CRK: variants seen among roughly 807,000 people sequenced by gnomAD.
The protein encoded by CRK is CRK proto-oncogene, adaptor protein, also known as adapter molecule crk.
CRK carries 4 observed loss-of-function variants against 29.8 expected under a neutral mutation model. That is an observed-to-expected ratio of 0.13 (90% CI 0.07 to 0.31). The LOEUF (loss-of-function observed/expected upper bound fraction) is 0.31, where lower values mean the gene tolerates loss of function less well. CRK is among the 10% of genes least tolerant of loss of function. The probability of loss-of-function intolerance (pLI) is 1.00; values close to 1 mark genes in which losing one functional copy is unlikely to be tolerated. For synonymous variants in CRK, 153 were observed against 164.9 expected, an observed-to-expected ratio of 0.93 and a Z score of 0.55; for missense variants, 274 against 396.5, an observed-to-expected ratio of 0.69 and a Z score of 2.62.
chr17:1,450,485 G>T (rs1598305693), intron 1 of CRK, among the ~76,000 whole-genome samples: 1 of 150,008 alleles, frequency 6.7e-6, no homozygotes. Flanking sequence ...CCGGCCCGGC[G>T]TGGGCGACAG....
Position 1,436,804 on chromosome 17 carries a change from G to A in CRK, c.593C>T (p.Ser198Leu), listed in dbSNP as rs372978924. 8.9e-6 allele frequency: 14 copies of A among 1,581,490 alleles called. No individual in the cohort carries two copies. The highest frequency in any genetic ancestry group is 2.2e-5 in the East Asian group (1 of 44,714). Residue 198 changes from serine (S) to leucine (L), a missense_variant, in exon 2 of 3, where the codon TCG becomes TTG. Around this residue, in one of 3 missense-constraint regions of CRK, gnomAD observed 121 missense variants for 154.3 expected, o/e 0.78. Coordinates refer to ENST00000300574, the MANE Select transcript of CRK (RefSeq NM_016823.4). The part of the protein sequence containing the change: ...EKYRPASASV[S>L]ALIGGNQEGS... ...CTCCTGGTTACCTCCAATCAGAGCC[G>A]ATACTGAGGCGGAGGCAGGTCTATA...
intron 1 of CRK, among the ~76,000 whole-genome samples, chr17:1,446,426 G>A (rs931946065): frequency 3.3e-5 from 5 of 152,118 alleles, no homozygotes; most frequent in East Asian, 1.9e-4. Flanking sequence ...CAGGCCGAGC[G>A]AAATACATTT....
At chr17:1,445,135 G>C (rs1398342374) in intron 1 of CRK, among the ~76,000 whole-genome samples, 1 of 130,250 alleles carries the variant, frequency 7.7e-6, no homozygotes, top group Non-Finnish European at 1.7e-5. Flanking sequence ...GCGACAGAGC[G>C]AGACACCGTC....
chr17:1,443,459 A>G (rs2073950492), intron 1 of CRK, among the ~76,000 whole-genome samples: 1 of 151,370 alleles, frequency 6.6e-6, no homozygotes, highest in Non-Finnish European at 1.5e-5. Context: ...GCAGTGGTGC[A>G]ATCTTGGCTC....
intron 2 of CRK, among the ~76,000 whole-genome samples, chr17:1,430,728 C>T (rs1384789079): frequency 6.6e-6 from 1 of 151,716 alleles, no homozygotes; most frequent in East Asian, 1.9e-4. Flanking sequence ...ATTAACCTGA[C>T]CAACGTGGCT....
chr17:1,427,058 A>AGG (rs1229393343), intron 2 of CRK, among the ~76,000 whole-genome samples: 2 of 88,914 alleles, frequency 2.2e-5, no homozygotes, highest in African/African-American at 9.5e-5. Context: ...AAAAAAAAAA[A>AGG]AAAAAAAAAA....
intron 2 of CRK, among the ~76,000 whole-genome samples, chr17:1,433,824 GGTTT>G (rs2073865693): frequency 1.1e-5 from 1 of 88,810 alleles, no homozygotes; most frequent in Non-Finnish European, 2.1e-5. Flanking sequence ...CAGCATGTAT[GGTTT>G]TTTTTTTTTT....
chr17:1,437,023 C>T lies in CRK; in HGVS notation c.374G>A (p.Ser125Asn), dbSNP rs763079680. The T allele has an allele frequency of 6.8e-6, 11 of 1,614,058 alleles. No homozygotes were observed. The South Asian group carries it at 1.1e-4, about 16-fold the overall frequency. ...CTCCTCCTGCCTGAGAATCACTCCA[C>T]TACCCTGCCTGGATCTGGAAACTGG... Reference protein sequence around the residue: ...IEPVSRSRQGSGVILRQEEAE... With the variant: ...IEPVSRSRQGNGVILRQEEAE... The change falls in exon 2 of 3, where the codon AGT becomes AAT. Residue 125 changes from serine (S) to asparagine (N), a missense_variant. Transcript: ENST00000300574.
At chr17:1,430,891 C>T (rs1032523225) in intron 2 of CRK, among the ~76,000 whole-genome samples, 1 of 151,066 alleles carries the variant, frequency 6.6e-6, no homozygotes, top group Non-Finnish European at 1.5e-5. Flanking sequence ...CACGGTGAAA[C>T]CCCGTCTCTA....
chr17:1,431,973 C>A (rs550934618), intron 2 of CRK, among the ~76,000 whole-genome samples: 1 of 152,278 alleles, frequency 6.6e-6, no homozygotes, highest in East Asian at 1.9e-4. Flanking sequence ...TACCAATGAA[C>A]AACAAAGACT....
At chr17:1,441,914 G>A (rs529437025) in intron 1 of CRK, among the ~76,000 whole-genome samples, 89 of 151,924 alleles carry the variant, frequency 5.9e-4, no homozygotes, top group Non-Finnish European at 7.6e-4. Flanking sequence ...GGAGTGCAGT[G>A]GCATGATCTT....
At chr17:1,424,026 C>T (rs938075271) in intron 2 of CRK, among the ~76,000 whole-genome samples, 3 of 151,612 alleles carry the variant, frequency 2.0e-5, no homozygotes, top group Non-Finnish European at 2.9e-5. Flanking sequence ...CAGCTTTCTG[C>T]CTGCTCCGCA....
At chr17:1,451,487 C>G (rs1335685140) in intron 1 of CRK, among the ~76,000 whole-genome samples, 1 of 151,928 alleles carries the variant, frequency 6.6e-6, no homozygotes, top group East Asian at 2.0e-4. Flanking sequence ...CCTCCTTGGC[C>G]TCTCAAAGTG....
At chr17:1,430,855 C>T (rs1300412096) in intron 2 of CRK, among the ~76,000 whole-genome samples, 1 of 151,478 alleles carries the variant, frequency 6.6e-6, no homozygotes, top group Non-Finnish European at 1.5e-5. Flanking sequence ...ATCACGAGGT[C>T]AGCAGATCGA....
intron 1 of CRK, among the ~76,000 whole-genome samples, chr17:1,440,392 G>A (rs2073925276): frequency 6.6e-6 from 1 of 151,994 alleles, no homozygotes; most frequent in African/African-American, 2.4e-5. Context: ...GAGCCTAGGA[G>A]TTTGTGAGTA....
rs778793991 is a variant in CRK at position 1,427,072 on chromosome 17, A to AAAAAAAAAG, written c.778-3423_778-3422insCTTTTTTTT. ...AAAAAAAAAAAAAAAAAAAAAAAAA[A>AAAAAAAAAG]GATTCTGACATGCCCCAGCCAGGCT... On this transcript the variant is annotated intron_variant, in intron 2 of 2. Transcript: ENST00000300574. Among the ~76,000 whole-genome samples, 62 of 92,074 alleles carry AAAAAAAAAG rather than the reference A, an allele frequency of 6.7e-4. 16 individuals carry two copies. Among genetic ancestry groups the AAAAAAAAAG allele is most frequent in the Non-Finnish European group, 1.1e-3 (51 of 47,912 alleles). The allele number at this position is 92,074 out of a possible 152,430, so 60.4% of individuals were successfully genotyped here.
Position 1,456,140 on chromosome 17 carries a change from TGGGGTGCCGCCGCCGCGCGC to T in CRK, c.-43_-24del. The T allele has an allele frequency of 6.8e-7, 1 of 1,474,986 alleles. No homozygotes were observed. The highest frequency in any genetic ancestry group is 1.5e-5 in the African/African-American group (1 of 68,434). 91.4% of individuals were successfully genotyped at this position (1,474,986 alleles called of 1,614,324 possible). A position where few individuals can be genotyped will look rare whatever the true frequency, so the allele number is the denominator to read the frequency against. ...CATGGCTGCCTCCGCGCCTAAACGC[TGGGGTGCCGCCGCCGCGCGC>T]GCCCCTCCGGCCCCCGGCGCCCGCC... On this transcript the variant is annotated 5_prime_UTR_variant, in exon 1 of 3. Coordinates refer to ENST00000300574, the MANE Select transcript of CRK (RefSeq NM_016823.4).
intron 2 of CRK, among the ~76,000 whole-genome samples, chr17:1,433,509 C>CTTTTTT (rs60236552): frequency 3.4e-5 from 2 of 58,592 alleles, no homozygotes; most frequent in Non-Finnish European, 7.0e-5. Context: ...CCACGCCTGG[C>CTTTTTT]TTTTTTTTTT....
intron 1 of CRK, among the ~76,000 whole-genome samples, chr17:1,443,050 C>T (rs1162652738): frequency 2.6e-5 from 4 of 150,944 alleles, no homozygotes; most frequent in African/African-American, 9.7e-5. Flanking sequence ...GCGATCCTGG[C>T]TCACTGCAAC....
Sources: gnomAD v4.1 joint callset for allele counts (sites outside exome capture counted in the v4.1 genomes callset) on GRCh38, gnomAD v4.1.1 for gene constraint, gnomAD v4.1.1 regional missense constraint, MANE v1.5 for transcripts, NCBI Gene and HGNC (gene_info 2026-07-23, HGNC 2026-07-21) for gene names.